NRF1: variants seen among roughly 807,000 people sequenced by gnomAD.
NRF1 encodes the protein nuclear respiratory factor 1.
NRF1 carries 5 observed loss-of-function variants against 58.5 expected under a neutral mutation model. That is an observed-to-expected ratio of 0.09 (90% CI 0.04 to 0.18). NRF1 has a LOEUF of 0.18. NRF1 is among the 10% of genes least tolerant of loss of function. The probability of loss-of-function intolerance (pLI) is 1.00; values close to 1 mark genes in which losing one functional copy is unlikely to be tolerated. For synonymous variants in NRF1, 224 were observed against 246.7 expected (o/e 0.91, Z 0.86); for missense variants, 288 against 657.7 (o/e 0.44, Z 6.15).
At position 129,697,952 on chromosome 7, in the gene NRF1, G is replaced by A. The variant is rs186910454; in HGVS notation, c.606+7406G>A. The stretch of plus-strand genomic sequence containing the variant: ...GGTTTCACCATGTCAGGCTGGTCTC[G>A]AACTGCTGAGCTCAGGCAATCTGCC... On this transcript the variant is annotated intron_variant, in intron 5 of 10. Coordinates refer to ENST00000393232, the MANE Select transcript of NRF1 (RefSeq NM_005011.5). Among the ~76,000 whole-genome samples, 6 of 152,136 alleles carry A rather than the reference G, an allele frequency of 3.9e-5. No individual in the cohort carries two copies. In the East Asian group the frequency reaches 1.2e-3, roughly 29 times the overall value.
intron 1 of NRF1, among the ~76,000 whole-genome samples, chr7:129,638,913 C>A (rs756542719): frequency 4.6e-4 from 70 of 151,978 alleles, no homozygotes; most frequent in Non-Finnish European, 8.8e-4. Context: ...ATATAATATG[C>A]TTTTTTACTT....
intron 10 of NRF1, among the ~76,000 whole-genome samples, chr7:129,749,402 T>C (rs548648174): frequency 6.6e-6 from 1 of 151,308 alleles, no homozygotes; most frequent in Non-Finnish European, 1.5e-5. Context: ...AAAGCATGTT[T>C]CACCATTTTG....
intron 1 of NRF1, among the ~76,000 whole-genome samples, chr7:129,617,553 A>G (rs1371252556): frequency 6.6e-6 from 1 of 152,204 alleles, no homozygotes. Flanking sequence ...TCACCTGACG[A>G]TGATTAAAGA....
chr7:129,679,214 T>C (rs907949366), intron 4 of NRF1, among the ~76,000 whole-genome samples: 1 of 152,216 alleles, frequency 6.6e-6, no homozygotes, highest in Non-Finnish European at 1.5e-5. Context: ...GGCATAGATG[T>C]TCTTTCAGGT....
At chr7:129,612,506 TC>T (rs1387345814) in intron 1 of NRF1, among the ~76,000 whole-genome samples, 1 of 152,114 alleles carries the variant, frequency 6.6e-6, no homozygotes, top group Non-Finnish European at 1.5e-5. Context: ...GGGCGGCAGT[TC>T]GAGGAGGAGG....
chr7:129,720,798 C>T (rs999588168), intron 9 of NRF1, among the ~76,000 whole-genome samples: 4 of 152,084 alleles, frequency 2.6e-5, no homozygotes, highest in African/African-American at 9.7e-5. Context: ...CGGCCTTTAG[C>T]CCACCCTGGC....
intron 1 of NRF1, among the ~76,000 whole-genome samples, chr7:129,619,425 T>TACACACACACAC (rs1461364151): frequency 2.5e-4 from 21 of 82,562 alleles, no homozygotes; most frequent in East Asian, 1.9e-3. Context: ...TATATATATA[T>TACACACACACAC]ATATATATAC....
intron 8 of NRF1, 139 bp from the exon 9 acceptor site, chr7:129,717,080 C>T: frequency 1.3e-6 from 1 of 755,436 alleles, no homozygotes; most frequent in Non-Finnish European, 2.1e-6. Context: ...GCTTAAAGCT[C>T]TGTTCTGTAT....
At position 129,701,836 on chromosome 7, in the gene NRF1, G is replaced by T. The variant is rs576621384; in HGVS notation, c.607-7239G>T. Among the ~76,000 whole-genome samples, 13 of 152,278 alleles carry T rather than the reference G, an allele frequency of 8.5e-5. No individual in the cohort carries two copies. In the South Asian group the frequency reaches 2.7e-3, roughly 32 times the overall value. On this transcript the variant is annotated intron_variant, in intron 5 of 10. Transcript: ENST00000393232. The stretch of plus-strand genomic sequence containing the variant: ...GCAATCTAAATGTTTATCAGTAGGG[G>T]AATGGCTAAATAAAATGGAAATTCT...
chr7:129,743,116 C>T (rs992318136), intron 10 of NRF1, among the ~76,000 whole-genome samples: 1 of 151,850 alleles, frequency 6.6e-6, no homozygotes, highest in Non-Finnish European at 1.5e-5. Flanking sequence ...TTCTTTTTCA[C>T]CTTTTTGTAT....
At chr7:129,650,988 A>G (rs1365643296) in intron 1 of NRF1, among the ~76,000 whole-genome samples, 1 of 152,214 alleles carries the variant, frequency 6.6e-6, no homozygotes, top group Non-Finnish European at 1.5e-5. Flanking sequence ...ATGTCATATC[A>G]GTCATATCTG....
intron 1 of NRF1, among the ~76,000 whole-genome samples, chr7:129,614,482 AT>A (rs34232648): frequency 7.0e-5 from 8 of 114,900 alleles, no homozygotes; most frequent in African/African-American, 2.1e-4. Context: ...CATATATATA[AT>A]TTTTTTTTTT....
At chr7:129,733,310 A>G (rs907868030) in intron 10 of NRF1, among the ~76,000 whole-genome samples, 1 of 151,246 alleles carries the variant, frequency 6.6e-6, no homozygotes, top group Non-Finnish European at 1.5e-5. Flanking sequence ...TACTAAAAAC[A>G]CCAAAAATTA....
intron 5 of NRF1, among the ~76,000 whole-genome samples, chr7:129,691,618 G>A (rs1356276105): frequency 6.6e-6 from 1 of 151,934 alleles, no homozygotes; most frequent in Non-Finnish European, 1.5e-5. Flanking sequence ...GCCTCCCAAA[G>A]TGCTGGGATT....
chr7:129,633,077 A>G (rs1186714214), intron 1 of NRF1, among the ~76,000 whole-genome samples: 1 of 152,210 alleles, frequency 6.6e-6, no homozygotes, highest in Non-Finnish European at 1.5e-5. Flanking sequence ...TGAGCATTAT[A>G]TATCAGACAT....
chr7:129,717,098 G>T, intron 8 of NRF1, 121 bp from the exon 9 acceptor site: 1 of 906,366 alleles, frequency 1.1e-6, no homozygotes, highest in Non-Finnish European at 1.7e-6. Flanking sequence ...TATATTGCAG[G>T]TCATGTTAAT....
At chr7:129,658,281 A>G (rs1164552637) in intron 2 of NRF1, among the ~76,000 whole-genome samples, 1 of 152,146 alleles carries the variant, frequency 6.6e-6, no homozygotes, top group Non-Finnish European at 1.5e-5. Flanking sequence ...ATTGTAACAT[A>G]CATCCTTTAT....
chr7:129,710,072 T>G (rs1178108762), intron 6 of NRF1, among the ~76,000 whole-genome samples: 1 of 152,208 alleles, frequency 6.6e-6, no homozygotes, highest in African/African-American at 2.4e-5. Context: ...ACTGAGAATC[T>G]TAATATGCCA....
At chr7:129,697,307 G>T (rs2116143417) in intron 5 of NRF1, among the ~76,000 whole-genome samples, 1 of 152,114 alleles carries the variant, frequency 6.6e-6, no homozygotes, top group East Asian at 1.9e-4. Context: ...ACTTTGGGAG[G>T]CTGAGGTGGG....
Sources: gnomAD v4.1 joint callset for allele counts (sites outside exome capture counted in the v4.1 genomes callset) on GRCh38, gnomAD v4.1.1 for gene constraint, MANE v1.5 for transcripts, NCBI Gene and HGNC (gene_info 2026-07-23, HGNC 2026-07-21) for gene names.